PHKB: variants seen among roughly 807,000 people sequenced by gnomAD.
The protein encoded by PHKB is phosphorylase b kinase regulatory subunit beta.
PHKB carries 122 observed loss-of-function variants against 152.1 expected under a neutral mutation model. The observed-to-expected ratio is 0.80, with a 90% CI of 0.69 to 0.93. The LOEUF is 0.93. PHKB is among the 40% of genes least tolerant of loss of function. The pLI is 0.00. For missense variants in PHKB, 1,304 were observed against 1,328.4 expected (o/e 0.98, Z 0.29); for synonymous variants, 436 against 464.9 (o/e 0.94, Z 0.80).
At chr16:47,655,708 C>T (rs1973324242) in intron 20 of PHKB, among the ~76,000 whole-genome samples, 1 of 152,180 alleles carries the variant, frequency 6.6e-6, no homozygotes, top group Admixed American at 6.5e-5. Flanking sequence ...ACACAAAGCT[C>T]AAGTTGGTCA....
In PHKB at chr16:47,661,608, AC is replaced by A; in HGVS notation, c.2197-110del. The stretch of plus-strand genomic sequence containing the variant: ...AATGACATTTTATCTTCCCTCAGTT[AC>A]ATAGTAAAGTGTTTCTTCTCTGCAT... On this transcript the variant is annotated intron_variant, in intron 22 of 30. Transcript: ENST00000323584. 3 of 740,746 alleles carry A rather than the reference AC, an allele frequency of 4.0e-6. No individual in the cohort carries two copies. The South Asian group carries it at 4.3e-5, about 11-fold the overall frequency. 45.9% of individuals were successfully genotyped at this position (740,746 alleles called of 1,614,324 possible).
rs191428598 is a variant in PHKB, at chr16:47,693,468, G to A, written c.2856G>A (p.Thr952=). 63 of 1,614,066 alleles carry A rather than the reference G, an allele frequency of 3.9e-5. No individual in the cohort carries two copies. In the Admixed American group the frequency reaches 5.3e-4, roughly 14 times the overall value. Reference sequence around the variant, plus strand: ...GAGTGTGGCAGATTCTGGAGCGCACGCCCAATGGGATCATTGTTGCTGGGA... The same window carrying A: ...GAGTGTGGCAGATTCTGGAGCGCACACCCAATGGGATCATTGTTGCTGGGA... The part of the protein sequence containing the change: ...YDRVWQILER[T]PNGIIVAGKH... Residue 952 remains threonine, a synonymous_variant, in exon 28 of 31, where the codon ACG becomes ACA. Coordinates refer to ENST00000323584, the MANE Select transcript of PHKB (RefSeq NM_000293.3).
chr16:47,482,798 G>A (rs1969984519), intron 1 of PHKB, among the ~76,000 whole-genome samples: 1 of 151,900 alleles, frequency 6.6e-6, no homozygotes, highest in Non-Finnish European at 1.5e-5. Flanking sequence ...TCCGCTCACT[G>A]CAACCTCTGC....
chr16:47,661,790 C>G lies in PHKB; in HGVS notation c.2268C>G (p.Ile756Met). ...ILLKREGPNF[I>M]TKEGTVSDHI... ...TCAAAAGAGAAGGCCCCAACTTCAT[C>G]ACAAAGGAAGGTAAGCATGCATGTC... Residue 756 changes from isoleucine (I) to methionine (M), a missense_variant, in exon 23 of 31, where the codon ATC becomes ATG. Physicochemically the swap from Ile to Met is conservative, Grantham distance 10. Transcript: ENST00000323584. 5.6e-6 allele frequency: 9 copies of G among 1,611,074 alleles called. No homozygotes were observed. Among genetic ancestry groups the G allele is most frequent in the Non-Finnish European group, 7.6e-6 (9 of 1,177,266 alleles).
intron 1 of PHKB, chr16:47,463,671 A>T (rs1184432848): frequency 1.2e-5 from 6 of 483,270 alleles, no homozygotes; most frequent in Non-Finnish European, 2.3e-5. Context: ...GTAATGTCTA[A>T]TAAGTGGATA....
intron 10 of PHKB, among the ~76,000 whole-genome samples, chr16:47,591,724 A>G (rs898477296): frequency 1.3e-5 from 2 of 152,018 alleles, no homozygotes; most frequent in African/African-American, 2.4e-5. Context: ...CACCCCCTGT[A>G]TGCAGCTGCC....
intron 26 of PHKB, among the ~76,000 whole-genome samples, chr16:47,678,843 C>A (rs1292399030): frequency 6.6e-6 from 1 of 152,132 alleles, no homozygotes; most frequent in African/African-American, 2.4e-5. Flanking sequence ...GCAGTCCTTG[C>A]CCATGCCTGT....
At chr16:47,576,865 T>C (rs747401734) in intron 7 of PHKB, among the ~76,000 whole-genome samples, 19 of 152,198 alleles carry the variant, frequency 1.2e-4, no homozygotes, top group Non-Finnish European at 2.6e-4. Flanking sequence ...GACTTTTTTA[T>C]AGACAATACA....
At chr16:47,674,262 A>G (rs1973687721) in intron 26 of PHKB, among the ~76,000 whole-genome samples, 3 of 152,170 alleles carry the variant, frequency 2.0e-5, no homozygotes, top group Admixed American at 2.0e-4. Flanking sequence ...AACAGACCGA[A>G]TAAATGAGAT....
intron 1 of PHKB, among the ~76,000 whole-genome samples, chr16:47,465,582 C>CT (rs1035204122): frequency 4.6e-5 from 7 of 152,098 alleles, no homozygotes; most frequent in Non-Finnish European, 8.8e-5. Flanking sequence ...AATGTTGACA[C>CT]TTTTTTGGGA....
intron 1 of PHKB, among the ~76,000 whole-genome samples, chr16:47,461,957 G>A (rs190700625): frequency 2.0e-5 from 3 of 152,250 alleles, no homozygotes; most frequent in Admixed American, 2.0e-4. Context: ...AAGGAGACTG[G>A]GCCTCAGATA....
At position 47,527,482 on chromosome 16, in the gene PHKB, A is replaced by C. The variant is rs145961700; in HGVS notation, c.594+11881A>C. On this transcript the variant is annotated intron_variant, in intron 6 of 30. Coordinates refer to ENST00000323584, the MANE Select transcript of PHKB (RefSeq NM_000293.3). ...GTTAAACAGAGAAACAATATTCACAATGAAAAGGAGAACATAACTGTAAAT... is the reference window on the plus strand; with the variant it reads ...GTTAAACAGAGAAACAATATTCACACTGAAAAGGAGAACATAACTGTAAAT... Among the ~76,000 whole-genome samples, 417 of 152,304 alleles carry C rather than the reference A, an allele frequency of 2.7e-3. 3 individuals carry two copies. The East Asian group carries it at 0.03, about 11-fold the overall frequency.
intron 6 of PHKB, among the ~76,000 whole-genome samples, chr16:47,517,833 A>G (rs1480098700): frequency 6.6e-6 from 1 of 152,120 alleles, no homozygotes; most frequent in Non-Finnish European, 1.5e-5. Flanking sequence ...TTATGCAGCT[A>G]ATTATCAATA....
At chr16:47,544,312 A>G (rs1313734925) in intron 6 of PHKB, among the ~76,000 whole-genome samples, 1 of 152,218 alleles carries the variant, frequency 6.6e-6, no homozygotes, top group African/African-American at 2.4e-5. Context: ...GGTTTCAAAG[A>G]ACATCTTTAT....
At chr16:47,628,261 G>T (rs973257650) in intron 14 of PHKB, among the ~76,000 whole-genome samples, 1 of 152,198 alleles carries the variant, frequency 6.6e-6, no homozygotes, top group South Asian at 2.1e-4. Flanking sequence ...GGCCGGGCGC[G>T]GTGGCTCATG....
intron 3 of PHKB, among the ~76,000 whole-genome samples, chr16:47,501,365 C>T (rs1026405252): frequency 6.6e-5 from 10 of 152,118 alleles, no homozygotes; most frequent in African/African-American, 2.4e-4. Context: ...AGAAATACAA[C>T]AGCCAAATGC....
At chr16:47,550,115 C>T (rs1259482509) in intron 7 of PHKB, among the ~76,000 whole-genome samples, 7 of 152,160 alleles carry the variant, frequency 4.6e-5, no homozygotes, top group Admixed American at 3.3e-4. Flanking sequence ...AAGGTCAGGT[C>T]TTCACAAGCC....
chr16:47,531,600 A>G (rs554521467), intron 6 of PHKB, among the ~76,000 whole-genome samples: 2 of 152,368 alleles, frequency 1.3e-5, no homozygotes, highest in East Asian at 1.9e-4. Context: ...TGAAAATAAT[A>G]GCATTGCTTT....
intron 26 of PHKB, among the ~76,000 whole-genome samples, chr16:47,685,286 G>A (rs1238604335): frequency 6.6e-6 from 1 of 152,178 alleles, no homozygotes; most frequent in Non-Finnish European, 1.5e-5. Context: ...TTAGCTGGGT[G>A]TGGTGGCGCA....
Sources: allele counts gnomAD v4.1 joint callset (sites outside exome capture counted in the v4.1 genomes callset), GRCh38; gene constraint gnomAD v4.1.1; transcripts MANE v1.5; gene names NCBI Gene and HGNC (gene_info 2026-07-23, HGNC 2026-07-21).